MTSS1: variants seen among roughly 807,000 people sequenced by gnomAD.
MTSS1 encodes the protein MTSS I-BAR domain containing 1.
Under a neutral mutation model 79.0 loss-of-function variants are expected in MTSS1, and 18 were observed. That is an observed-to-expected ratio of 0.23 (90% CI 0.16 to 0.34). MTSS1 has a LOEUF of 0.34. Ranked by LOEUF, MTSS1 falls within the 10% of genes least tolerant of loss-of-function variation. MTSS1 has a pLI of 1.00. For synonymous variants in MTSS1, 341 were observed against 368.6 expected, an observed-to-expected ratio of 0.93 and a Z score of 0.86; for missense variants, 815 against 986.2, an observed-to-expected ratio of 0.83 and a Z score of 2.33.
chr8:124,670,106 A>T lies in MTSS1; in HGVS notation c.208+29420T>A, dbSNP rs146867344. On this transcript the variant is annotated intron_variant, in intron 3 of 13. Transcript: ENST00000518547. ...TCATGAAAACAAATAAGAATTTCAT[A>T]GAATTCTAAGTGCCATAAAACACTG... Among the ~76,000 whole-genome samples, 697 of 152,346 alleles carry T rather than the reference A, an allele frequency of 4.6e-3. 2 individuals are homozygous for T. The highest frequency in any genetic ancestry group is 7.2e-3 in the Non-Finnish European group (491 of 68,022).
At chr8:124,635,521 C>G (rs1233287982) in intron 3 of MTSS1, among the ~76,000 whole-genome samples, 1 of 152,196 alleles carries the variant, frequency 6.6e-6, no homozygotes, top group African/African-American at 2.4e-5. Flanking sequence ...TGCCGGAACG[C>G]CTCTGTTCCT....
intron 2 of MTSS1, among the ~76,000 whole-genome samples, chr8:124,702,947 T>C (rs141406850): frequency 1.3e-5 from 2 of 152,340 alleles, no homozygotes; most frequent in East Asian, 1.9e-4. Flanking sequence ...TCACATGATA[T>C]ATGAACAAGC....
chr8:124,677,486 G>A (rs1825497878), intron 3 of MTSS1, among the ~76,000 whole-genome samples: 1 of 152,188 alleles, frequency 6.6e-6, no homozygotes, highest in African/African-American at 2.4e-5. Context: ...CTTTAGGGAT[G>A]CACTCTTACA....
chr8:124,631,700 CTG>C (rs1423208631), intron 3 of MTSS1, among the ~76,000 whole-genome samples: 1 of 152,254 alleles, frequency 6.6e-6, no homozygotes, highest in East Asian at 1.9e-4. Flanking sequence ...CTGCCAGCTT[CTG>C]TCTCTCCAAT....
At chr8:124,620,311 G>T (rs1226454108) in intron 3 of MTSS1, among the ~76,000 whole-genome samples, 1 of 152,182 alleles carries the variant, frequency 6.6e-6, no homozygotes, top group African/African-American at 2.4e-5. Flanking sequence ...CAGATGCAAA[G>T]AAAGTTAGCA....
intron 3 of MTSS1, among the ~76,000 whole-genome samples, chr8:124,693,230 T>C (rs1828248218): frequency 6.6e-6 from 1 of 152,136 alleles, no homozygotes; most frequent in South Asian, 2.1e-4. Flanking sequence ...TCTTTGTGGG[T>C]GCAGTTGCCG....
At chr8:124,675,938 T>G (rs569086381) in intron 3 of MTSS1, among the ~76,000 whole-genome samples, 17 of 152,342 alleles carry the variant, frequency 1.1e-4, no homozygotes, top group African/African-American at 3.8e-4. Context: ...CGAATAATGT[T>G]GCGGTAGACA....
intron 6 of MTSS1, among the ~76,000 whole-genome samples, chr8:124,573,979 C>T (rs1828423516): frequency 6.6e-6 from 1 of 152,174 alleles, no homozygotes; most frequent in Non-Finnish European, 1.5e-5. Flanking sequence ...GCCAAGGCAG[C>T]ACCCCTAAAG....
chr8:124,715,058 T>G (rs1013961115), intron 1 of MTSS1, among the ~76,000 whole-genome samples: 1 of 152,258 alleles, frequency 6.6e-6, no homozygotes, highest in Non-Finnish European at 1.5e-5. Flanking sequence ...GCACACCCTA[T>G]GAAATGTTAG....
At chr8:124,638,360 T>C (rs1298120651) in intron 3 of MTSS1, among the ~76,000 whole-genome samples, 1 of 152,198 alleles carries the variant, frequency 6.6e-6, no homozygotes. Context: ...TGTGATCAAA[T>C]CCACTACCCC....
At chr8:124,643,698 C>CAAAA (rs11323836) in intron 3 of MTSS1, among the ~76,000 whole-genome samples, 15 of 66,880 alleles carry the variant, frequency 2.2e-4, no homozygotes, top group East Asian at 4.0e-4. Context: ...AATTCCGTCT[C>CAAAA]AAAAAAAAAA....
rs1176025755 is a variant in MTSS1, at chr8:124,615,481, T to TA, written c.209-24247dup. On this transcript the variant is annotated intron_variant, in intron 3 of 13. Transcript: ENST00000518547. Reference sequence around the variant, plus strand: ...AATAAGCCCGCCACAAAAGGACAGATACTGTGATTCCACTTCCACGAGGTG... The same window carrying TA: ...AATAAGCCCGCCACAAAAGGACAGATAACTGTGATTCCACTTCCACGAGGTG... Among the ~76,000 whole-genome samples, 12 of 152,274 alleles carry TA rather than the reference T, an allele frequency of 7.9e-5. No individual in the cohort carries two copies. The South Asian group carries it at 2.1e-3, about 26-fold the overall frequency.
chr8:124,580,714 G>A (rs1434796892), intron 6 of MTSS1: 7 of 804,870 alleles, frequency 8.7e-6, no homozygotes, highest in Admixed American at 2.2e-5. Flanking sequence ...TTTCTATTAG[G>A]GCTGATTAAA....
intron 3 of MTSS1, among the ~76,000 whole-genome samples, chr8:124,643,844 T>C (rs1196962882): frequency 6.6e-6 from 1 of 152,122 alleles, no homozygotes; most frequent in East Asian, 1.9e-4. Context: ...ATTAGGTATT[T>C]CCAAATGGCA....
intron 6 of MTSS1, among the ~76,000 whole-genome samples, chr8:124,574,429 C>G (rs1828544214): frequency 6.6e-6 from 1 of 152,168 alleles, no homozygotes; most frequent in African/African-American, 2.4e-5. Context: ...GCAAAGTGGT[C>G]TGCACAGGGC....
chr8:124,552,744 C>A lies in MTSS1; in HGVS notation c.*248G>T. 1 of 440,388 alleles carries A rather than the reference C, an allele frequency of 2.3e-6. No homozygotes were observed. The allele number at this position is 440,388 out of a possible 1,614,324, so 27.3% of individuals were successfully genotyped here. On this transcript the variant is annotated 3_prime_UTR_variant, in exon 14 of 14. Transcript: ENST00000518547. ...TGGAATTTGGCACCTTCAGAAAAAT[C>A]AAAAGGGAAACTAAGATTAAAATGT... is the stretch of plus-strand genomic sequence containing the variant.
rs200357290 is a variant in MTSS1, at chr8:124,567,106, T to C, written c.691A>G (p.Met231Val). ...GAGGAGGGCAGTTTGTGAGGGTCCA[T>C]GGTCAGGCTTTTTAGATCTTCCGAG... ...TISEDLKSLTMDPHKLPSSSE... is the reference protein window; with the variant it reads ...TISEDLKSLTVDPHKLPSSSE... Residue 231 changes from methionine to valine, a missense_variant, in exon 8 of 14, where the codon ATG becomes GTG. By Grantham distance (21) the Met-to-Val change is conservative. This residue lies in a region of MTSS1 where 225 missense variants were observed against 365.4 expected (regional missense o/e 0.62). Coordinates refer to ENST00000518547, the MANE Select transcript of MTSS1 (RefSeq NM_014751.6). The C allele has an allele frequency of 1.9e-5, 30 of 1,614,172 alleles. No homozygotes were observed. The Admixed American group carries it at 2.0e-4, about 11-fold the overall frequency.
rs1826377329 is a variant in MTSS1, at chr8:124,683,011, C to CT, written c.208+16514dup. Among the ~76,000 whole-genome samples the CT allele has an allele frequency of 6.6e-6, 1 of 152,206 alleles. No individual in the cohort carries two copies. The highest frequency in any genetic ancestry group is 1.9e-4 in the East Asian group (1 of 5,192). ...TCATCCCAGCCCTTCCTTCCCCAGT[C>CT]TATGACCTTTTCAGACCATCTTGGT... On this transcript the variant is annotated intron_variant, in intron 3 of 13. Coordinates refer to ENST00000518547, the MANE Select transcript of MTSS1 (RefSeq NM_014751.6). The surrounding 1 kb of genome is among the most constrained non-coding windows in gnomAD (Gnocchi z 4.5).
intron 3 of MTSS1, among the ~76,000 whole-genome samples, chr8:124,682,201 C>A (rs1034197826): frequency 6.6e-6 from 1 of 151,094 alleles, no homozygotes; most frequent in Non-Finnish European, 1.5e-5. Flanking sequence ...TTCCATTTTA[C>A]GCTAAAGCCA....
Sources: gnomAD v4.1 joint callset for allele counts (sites outside exome capture counted in the v4.1 genomes callset) on GRCh38, gnomAD v4.1.1 for gene constraint, gnomAD v4.1.1 regional missense constraint, Gnocchi (gnomAD v3.1) non-coding constraint, MANE v1.5 for transcripts, NCBI Gene and HGNC (gene_info 2026-07-23, HGNC 2026-07-21) for gene names.